Variants in GULP1 observed in about 807,000 individuals in gnomAD.
GULP1 encodes the protein GULP PTB domain containing engulfment adaptor 1.
Under a neutral mutation model 40.9 loss-of-function variants are expected in GULP1, and 19 were observed. The observed-to-expected ratio is 0.46, with a 90% CI of 0.32 to 0.68. The LOEUF (loss-of-function observed/expected upper bound fraction) is 0.68, where lower values mean the gene tolerates loss of function less well. Ranked by LOEUF, GULP1 falls within the 30% of genes least tolerant of loss-of-function variation. The pLI is 0.03. For synonymous variants in GULP1, 119 were observed against 117.6 expected (o/e 1.01, Z -0.08); for missense variants, 312 against 362.2 (o/e 0.86, Z 1.12).
chr2:188,565,591 A>G (rs1316705976), intron 7 of GULP1, among the ~76,000 whole-genome samples: 1 of 152,048 alleles, frequency 6.6e-6, no homozygotes, highest in South Asian at 2.1e-4. Context: ...GCTGGTGGAA[A>G]TGCAAAATTA....
In GULP1 at chr2:188,526,829, G is replaced by T. The variant is rs1399631677; in HGVS notation, c.163-2268G>T. On this transcript the variant is annotated intron_variant, in intron 5 of 11. Transcript: ENST00000409830. ...TGAATATCTGCAAAACTAATTACTA[G>T]GCCTAATTCCTAAAAACCCACTTTA... Among the ~76,000 whole-genome samples, 4 of 151,956 alleles carry T rather than the reference G, an allele frequency of 2.6e-5. 1 individual carries two copies. The highest frequency in any genetic ancestry group is 5.9e-5 in the Non-Finnish European group (4 of 67,952).
At chr2:188,350,572 A>C (rs2044316576) in intron 1 of GULP1, among the ~76,000 whole-genome samples, 1 of 151,840 alleles carries the variant, frequency 6.6e-6, no homozygotes, top group Admixed American at 6.6e-5. Flanking sequence ...AGGTTTCTTT[A>C]TTGTTTTTAC....
intron 1 of GULP1, among the ~76,000 whole-genome samples, chr2:188,370,323 G>A (rs2047433007): frequency 6.6e-6 from 1 of 152,072 alleles, no homozygotes; most frequent in Non-Finnish European, 1.5e-5. Flanking sequence ...TGCACTGGTT[G>A]GACAATCTAT....
intron 1 of GULP1, among the ~76,000 whole-genome samples, chr2:188,299,766 G>A (rs926203704): frequency 3.3e-5 from 5 of 152,188 alleles, no homozygotes; most frequent in Non-Finnish European, 7.3e-5. Context: ...ATTCACCAGT[G>A]TGAAGGGAAG....
chr2:188,404,422 T>A (rs1327907606), intron 2 of GULP1, among the ~76,000 whole-genome samples: 1 of 152,078 alleles, frequency 6.6e-6, no homozygotes, highest in Non-Finnish European at 1.5e-5. Flanking sequence ...GCCCTCTTGG[T>A]GTGGAGACAG....
At chr2:188,394,010 C>T (rs909346677) in intron 2 of GULP1, among the ~76,000 whole-genome samples, 3 of 152,044 alleles carry the variant, frequency 2.0e-5, no homozygotes, top group Non-Finnish European at 2.9e-5. Context: ...TTGGTCATGT[C>T]CTTTTTGCAA....
intron 2 of GULP1, among the ~76,000 whole-genome samples, chr2:188,384,796 A>G (rs1013961784): frequency 3.3e-5 from 5 of 152,208 alleles, no homozygotes; most frequent in Non-Finnish European, 5.9e-5. Context: ...CGCTGTTCCA[A>G]AATCCAGTGG....
At chr2:188,366,594 T>A (rs1246846248) in intron 1 of GULP1, among the ~76,000 whole-genome samples, 1 of 142,644 alleles carries the variant, frequency 7.0e-6, no homozygotes, top group African/African-American at 2.6e-5. Context: ...CTTTCTTTTT[T>A]TTTTTTTTTT....
At chr2:188,345,096 C>G (rs1025509209) in intron 1 of GULP1, among the ~76,000 whole-genome samples, 1 of 152,130 alleles carries the variant, frequency 6.6e-6, no homozygotes, top group African/African-American at 2.4e-5. Context: ...CAAAGGTACA[C>G]TTTTTGCTAA....
intron 2 of GULP1, among the ~76,000 whole-genome samples, chr2:188,424,018 GCTT>G (rs1159947912): frequency 6.6e-6 from 1 of 151,608 alleles, no homozygotes; most frequent in African/African-American, 2.4e-5. Flanking sequence ...TTTAATATAG[GCTT>G]TAAAAAATAA....
chr2:188,584,512 T>G (rs958626311), intron 10 of GULP1, 109 bp downstream of exon 10: 5 of 466,956 alleles, frequency 1.1e-5, no homozygotes, highest in Middle Eastern at 7.6e-4. Context: ...ACTTACAATT[T>G]TAATTATTAA....
chr2:188,375,320 A>C (rs570376381), intron 1 of GULP1, among the ~76,000 whole-genome samples: 30 of 152,382 alleles, frequency 2.0e-4, no homozygotes, highest in Non-Finnish European at 2.9e-4. Context: ...AAATTGGAAG[A>C]CTGAATAATA....
intron 7 of GULP1, among the ~76,000 whole-genome samples, chr2:188,551,497 T>C (rs748462525): frequency 6.6e-6 from 1 of 151,810 alleles, no homozygotes; most frequent in Non-Finnish European, 1.5e-5. Flanking sequence ...GCAAATGATA[T>C]GATATCATTA....
chr2:188,489,011 A>T (rs2062107366), intron 4 of GULP1, among the ~76,000 whole-genome samples: 2 of 152,022 alleles, frequency 1.3e-5, no homozygotes, highest in South Asian at 2.1e-4. Flanking sequence ...ATATAAAAAA[A>T]AATAATTTTA....
intron 2 of GULP1, among the ~76,000 whole-genome samples, chr2:188,456,309 GC>G (rs1390811523): frequency 6.6e-6 from 1 of 152,184 alleles, no homozygotes; most frequent in Non-Finnish European, 1.5e-5. Flanking sequence ...CCCATCACGT[GC>G]CGGAAGGCCT....
At chr2:188,392,264 G>T (rs571342242) in intron 2 of GULP1, among the ~76,000 whole-genome samples, 1 of 151,670 alleles carries the variant, frequency 6.6e-6, no homozygotes, top group East Asian at 2.0e-4. Context: ...TGTTTGTTAT[G>T]AATTCAATTT....
At chr2:188,539,318 T>TA (rs1221648492) in intron 6 of GULP1, among the ~76,000 whole-genome samples, 1 of 152,160 alleles carries the variant, frequency 6.6e-6, no homozygotes, top group Non-Finnish European at 1.5e-5. Flanking sequence ...AATAAGCTGT[T>TA]ATAGACCTCC....
chr2:188,307,765 G>A (rs1304948776), intron 1 of GULP1, among the ~76,000 whole-genome samples: 2 of 152,130 alleles, frequency 1.3e-5, no homozygotes, highest in African/African-American at 4.8e-5. Context: ...ATATGCTGTG[G>A]TGTATAGCCA....
chr2:188,431,483 T>C (rs932350571), intron 2 of GULP1, among the ~76,000 whole-genome samples: 1 of 152,162 alleles, frequency 6.6e-6, no homozygotes, highest in African/African-American at 2.4e-5. Flanking sequence ...AAACAGATTA[T>C]ATAGAATTAA....
Sources: gnomAD v4.1 joint callset for allele counts (sites outside exome capture counted in the v4.1 genomes callset) on GRCh38, gnomAD v4.1.1 for gene constraint, MANE v1.5 for transcripts, NCBI Gene and HGNC (gene_info 2026-07-23, HGNC 2026-07-21) for gene names.